The following RBFOX1 variants were observed in gnomAD, a reference collection of about 807,000 sequenced individuals.
The protein encoded by RBFOX1 is RNA binding fox-1 homolog 1.
Under a neutral mutation model 57.7 loss-of-function variants are expected in RBFOX1, and 8 were observed. The ratio of observed to expected loss-of-function variants is 0.14; its 90% CI spans 0.08 to 0.25. RBFOX1 has a LOEUF of 0.25. Among genes scored for constraint, RBFOX1 ranks in the 10% least tolerant of loss-of-function variants. The pLI, the probability that RBFOX1 is intolerant of heterozygous loss-of-function variation, is 1.00. For synonymous variants in RBFOX1, 326 were observed against 222.4 expected, an observed-to-expected ratio of 1.47 and a Z score of -4.15; for missense variants, 611 against 548.5, an observed-to-expected ratio of 1.11 and a Z score of -1.14.
intron 1 of RBFOX1, among the ~76,000 whole-genome samples, chr16:6,215,302 A>G (rs564776465): frequency 1.7e-5 from 2 of 117,560 alleles, no homozygotes; most frequent in Admixed American, 1.9e-4. Flanking sequence ...AGAGGGAGAG[A>G]GGGAGAGGTA....
intron 3 of RBFOX1, among the ~76,000 whole-genome samples, chr16:6,662,347 C>T (rs914985328): frequency 2.0e-5 from 3 of 152,146 alleles, no homozygotes; most frequent in Non-Finnish European, 2.9e-5. Flanking sequence ...GTAATCATTT[C>T]ATGATATACA....
intron 4 of RBFOX1, among the ~76,000 whole-genome samples, chr16:7,132,940 T>C (rs2151998157): frequency 6.6e-6 from 1 of 152,318 alleles, no homozygotes; most frequent in Non-Finnish European, 1.5e-5. Context: ...ATTTTTTCAC[T>C]TGTGATTCTG....
At chr16:6,786,008 A>T (rs558912760) in intron 3 of RBFOX1, among the ~76,000 whole-genome samples, 3 of 152,172 alleles carry the variant, frequency 2.0e-5, no homozygotes, top group African/African-American at 7.2e-5. Context: ...TAAACACCCC[A>T]TCTTGAGCTT....
At chr16:7,566,361 G>C (rs1458578634) in intron 5 of RBFOX1, among the ~76,000 whole-genome samples, 2 of 152,256 alleles carry the variant, frequency 1.3e-5, no homozygotes, top group African/African-American at 4.8e-5. Context: ...TAGGGTTTCT[G>C]TGAATCTTTA....
At chr16:5,983,771 C>T (rs1310252201) in intron 4 of RBFOX1, among the ~76,000 whole-genome samples, 1 of 152,172 alleles carries the variant, frequency 6.6e-6, no homozygotes, top group East Asian at 1.9e-4. Flanking sequence ...GTATTCTGAA[C>T]AGTGATTTTT....
intron 4 of RBFOX1, among the ~76,000 whole-genome samples, chr16:7,296,477 G>A (rs1164243230): frequency 2.0e-5 from 3 of 152,052 alleles, no homozygotes; most frequent in Non-Finnish European, 4.4e-5. Context: ...AGAAGTCTGA[G>A]AATCATTATA....
At chr16:6,891,015 G>A (rs908384959) in intron 3 of RBFOX1, among the ~76,000 whole-genome samples, 1 of 152,138 alleles carries the variant, frequency 6.6e-6, no homozygotes, top group African/African-American at 2.4e-5. Context: ...CACTGTGAAC[G>A]TTTTGAGGAC....
At chr16:6,982,708 A>C (rs1263238744) in intron 3 of RBFOX1, among the ~76,000 whole-genome samples, 6 of 152,146 alleles carry the variant, frequency 3.9e-5, no homozygotes, top group African/African-American at 1.4e-4. Context: ...AAGATGTGGA[A>C]CTGGCCAGGT....
chr16:6,673,380 G>C (rs1042820638), intron 3 of RBFOX1, among the ~76,000 whole-genome samples: 4 of 152,150 alleles, frequency 2.6e-5, no homozygotes, highest in Non-Finnish European at 5.9e-5. Context: ...CTGAGGTCAG[G>C]AGTTTGAGAC....
At chr16:7,002,172 G>A (rs2092878107) in intron 3 of RBFOX1, among the ~76,000 whole-genome samples, 1 of 152,094 alleles carries the variant, frequency 6.6e-6, no homozygotes, top group South Asian at 2.1e-4. Flanking sequence ...ACCTCTCAGT[G>A]TACTGACATG....
At chr16:6,433,063 G>C (rs1261756562) in intron 2 of RBFOX1, among the ~76,000 whole-genome samples, 3 of 152,228 alleles carry the variant, frequency 2.0e-5, no homozygotes, top group African/African-American at 7.2e-5. Context: ...TCGGGCTGTT[G>C]ATTTGGGAAC....
chr16:6,435,269 A>G (rs1170352906), intron 2 of RBFOX1, among the ~76,000 whole-genome samples: 2 of 151,798 alleles, frequency 1.3e-5, no homozygotes, highest in Admixed American at 1.3e-4. Context: ...GCTAGCACTC[A>G]TTTTGTTATT....
chr16:5,804,049 C>T (rs2151759711), intron 3 of RBFOX1, among the ~76,000 whole-genome samples: 1 of 152,318 alleles, frequency 6.6e-6, no homozygotes, highest in Admixed American at 6.5e-5. Context: ...TCTGCAATTG[C>T]ATCTATTCTT....
At chr16:6,454,671 G>T (rs2094716118) in intron 2 of RBFOX1, among the ~76,000 whole-genome samples, 1 of 152,098 alleles carries the variant, frequency 6.6e-6, no homozygotes, top group South Asian at 2.1e-4. Context: ...ACCTACATGT[G>T]CATTCTTCTG....
intron 2 of RBFOX1, among the ~76,000 whole-genome samples, chr16:6,402,727 T>TA (rs2093126148): frequency 6.6e-6 from 1 of 152,234 alleles, no homozygotes. Context: ...AAGGATATGT[T>TA]AAAATCATTT....
intron 5 of RBFOX1, among the ~76,000 whole-genome samples, chr16:7,527,942 T>A (rs2079068124): frequency 6.6e-6 from 1 of 152,212 alleles, no homozygotes; most frequent in African/African-American, 2.4e-5. Flanking sequence ...ATTCCGAGAT[T>A]TATTTTAAAG....
intron 4 of RBFOX1, among the ~76,000 whole-genome samples, chr16:6,009,519 C>A (rs1166287769): frequency 6.6e-6 from 1 of 152,124 alleles, no homozygotes; most frequent in Non-Finnish European, 1.5e-5. Context: ...GGGTTCCCTG[C>A]AAAATACCTG....
At chr16:5,329,613 G>A (rs2151270944) in intron 1 of RBFOX1, among the ~76,000 whole-genome samples, 1 of 152,336 alleles carries the variant, frequency 6.6e-6, no homozygotes, top group Middle Eastern at 3.4e-3. Flanking sequence ...GTCTTAGTCT[G>A]TTTGGACTGT....
intron 1 of RBFOX1, among the ~76,000 whole-genome samples, chr16:6,047,497 G>A (rs1183949393): frequency 6.6e-6 from 1 of 152,202 alleles, no homozygotes; most frequent in Non-Finnish European, 1.5e-5. Flanking sequence ...AAAACTCCAG[G>A]ATTTTGGGTG....
Sources: allele counts gnomAD v4.1 joint callset (sites outside exome capture counted in the v4.1 genomes callset), GRCh38; gene constraint gnomAD v4.1.1; transcripts MANE v1.5; gene names NCBI Gene and HGNC (gene_info 2026-07-23, HGNC 2026-07-21).